WDR93: variants seen among roughly 807,000 people sequenced by gnomAD.
The protein encoded by WDR93 is WD repeat-containing protein 93.
A neutral mutation model predicts 82.9 loss-of-function variants in WDR93; 73 were observed. That is an observed-to-expected ratio of 0.88 (90% CI 0.73 to 1.07). WDR93 has a LOEUF of 1.07. Ranked by LOEUF, WDR93 falls within the 50% of genes least tolerant of loss-of-function variation. The pLI is 0.00. For missense variants in WDR93, 738 were observed against 826.0 expected, an observed-to-expected ratio of 0.89 and a Z score of 1.31; for synonymous variants, 283 against 300.1, an observed-to-expected ratio of 0.94 and a Z score of 0.59.
In WDR93 at chr15:89,701,844, G is replaced by T; in HGVS notation, c.98G>T (p.Trp33Leu). 1 of 1,614,188 alleles carries T rather than the reference G, an allele frequency of 6.2e-7. No individual in the cohort carries two copies. The highest frequency in any genetic ancestry group is 8.5e-7 in the Non-Finnish European group (1 of 1,180,038). Residue 33 changes from tryptophan to leucine, a missense_variant, in exon 2 of 17, where the codon TGG (tryptophan) becomes TTG (leucine). Physicochemically the swap from Trp to Leu is moderately conservative, Grantham distance 61. Transcript: ENST00000268130. ...GTGCCACCCCCAACAGAGAAGGACT[G>T]GCCTAAAGACGATGAACAGGATCAT... The part of the protein sequence containing the change: ...LEVPPPTEKD[W>L]PKDDEQDHVL...
intron 4 of WDR93, among the ~76,000 whole-genome samples, chr15:89,707,734 G>A (rs1376088791): frequency 6.6e-6 from 1 of 152,244 alleles, no homozygotes; most frequent in Admixed American, 6.5e-5. Flanking sequence ...CACTTTGGCA[G>A]TTTCTTCAAA....
intron 4 of WDR93, among the ~76,000 whole-genome samples, chr15:89,707,760 T>TA (rs1396865111): frequency 6.6e-6 from 1 of 152,230 alleles, no homozygotes; most frequent in East Asian, 1.9e-4. Context: ...AACATGTACT[T>TA]ACCATGTGAT....
chr15:89,727,458 G>A (rs1453281394), intron 9 of WDR93, 130 bp downstream of exon 9: 18 of 1,047,384 alleles, frequency 1.7e-5, no homozygotes, highest in Non-Finnish European at 2.4e-5. Context: ...CGGGACAGTG[G>A]CCCACATCTG....
rs141705248 is a variant in WDR93 at position 89,733,614 on chromosome 15, G to A, written c.1544+395G>A. 3.2e-3 allele frequency among the ~76,000 whole-genome samples: 487 copies of A among 152,100 alleles called. 2 individuals carry two copies. The highest frequency in any genetic ancestry group is 0.011 in the African/African-American group (452 of 41,476). Reference sequence around the variant, plus strand: ...TGGGTATCATGGGAGTGGAAATAGTGGCTTTATAAGAAAAGGAAGAGATAC... The same window carrying A: ...TGGGTATCATGGGAGTGGAAATAGTAGCTTTATAAGAAAAGGAAGAGATAC... On this transcript the variant is annotated intron_variant, in intron 13 of 16. Coordinates refer to ENST00000268130, the MANE Select transcript of WDR93 (RefSeq NM_020212.2).
At chr15:89,721,991 A>T in intron 7 of WDR93, 64 bp from the exon 8 acceptor site, 1 of 1,106,288 alleles carries the variant, frequency 9.0e-7, no homozygotes, top group Non-Finnish European at 1.3e-6. Context: ...TAAAATTAGT[A>T]TTTTTAATTA....
At chr15:89,733,989 T>C (rs944344727) in intron 13 of WDR93, among the ~76,000 whole-genome samples, 1 of 150,942 alleles carries the variant, frequency 6.6e-6, no homozygotes, top group Non-Finnish European at 1.5e-5. Flanking sequence ...AATGAACCTG[T>C]ATAATGTGTG....
Position 89,729,748 on chromosome 15 carries a change from C to T in WDR93, c.1189C>T (p.Arg397Ter), listed in dbSNP as rs759242280. The change falls in exon 11 of 17, where the codon CGA becomes TGA. Residue 397 changes from arginine (R) to a stop codon, truncating the protein, a stop_gained. Coordinates refer to ENST00000268130, the MANE Select transcript of WDR93 (RefSeq NM_020212.2). LOFTEE classifies it high-confidence loss of function. Reference sequence around the variant, plus strand: ...CAATTTCTTCCTGTATTCACTAAACCGAACTCTAAAGGATAAAGCTGGTAC... The same window carrying T: ...CAATTTCTTCCTGTATTCACTAAACTGAACTCTAAAGGATAAAGCTGGTAC... ...SHNFFLYSLN[R>*]TLKDKADPEG... The T allele has an allele frequency of 6.8e-6, 11 of 1,613,388 alleles. No homozygotes were observed. The highest frequency in any genetic ancestry group is 4.0e-5 in the African/African-American group (3 of 74,856).
intron 4 of WDR93, among the ~76,000 whole-genome samples, chr15:89,710,656 T>C (rs768469160): frequency 6.6e-6 from 1 of 152,192 alleles, no homozygotes; most frequent in South Asian, 2.1e-4. Flanking sequence ...GAGACCAGCA[T>C]AACTATGATA....
intron 4 of WDR93, among the ~76,000 whole-genome samples, chr15:89,706,330 T>A (rs1965726091): frequency 1.3e-5 from 2 of 149,870 alleles, no homozygotes; most frequent in Non-Finnish European, 3.0e-5. Flanking sequence ...TTTTTTTTTT[T>A]CTTAAATAGA....
intron 11 of WDR93, among the ~76,000 whole-genome samples, chr15:89,730,051 G>A (rs1031667204): frequency 3.9e-5 from 6 of 152,198 alleles, no homozygotes; most frequent in Non-Finnish European, 7.3e-5. Context: ...TTGGCTGGGC[G>A]CAATGGCTCA....
At chr15:89,705,682 A>T in intron 4 of WDR93, 64 bp downstream of exon 4, 1 of 1,078,012 alleles carries the variant, frequency 9.3e-7, no homozygotes, top group East Asian at 2.3e-5. Flanking sequence ...TTTATTTTTA[A>T]TATGGAAGCA....
rs191463443 is a variant in WDR93, at chr15:89,725,097, T to C, written c.881-2060T>C. Among the ~76,000 whole-genome samples, 228 of 152,280 alleles carry C rather than the reference T, an allele frequency of 1.5e-3. 1 individual carries two copies. The highest frequency in any genetic ancestry group is 5.1e-3 in the African/African-American group (214 of 41,562). Reference sequence around the variant, plus strand: ...CACCCTACTTCTAGGAATGTACCCATAGATTTGCAAGCAAGTGTGTTCCAG... The same window carrying C: ...CACCCTACTTCTAGGAATGTACCCACAGATTTGCAAGCAAGTGTGTTCCAG... On this transcript the variant is annotated intron_variant, in intron 8 of 16. Coordinates refer to ENST00000268130, the MANE Select transcript of WDR93 (RefSeq NM_020212.2).
chr15:89,690,793 T>C (rs2091327709), upstream of WDR93: 2 of 561,214 alleles, frequency 3.6e-6, no homozygotes, highest in Admixed American at 3.3e-5. Flanking sequence ...GTAGAGCAAC[T>C]TCGCGGACTT....
At chr15:89,700,643 A>G (rs532078178) in intron 1 of WDR93, among the ~76,000 whole-genome samples, 2 of 150,052 alleles carry the variant, frequency 1.3e-5, no homozygotes, top group East Asian at 4.0e-4. Flanking sequence ...GCTCACTGCA[A>G]CCTCAAACTC....
intron 4 of WDR93, among the ~76,000 whole-genome samples, chr15:89,711,012 C>T (rs1289155193): frequency 6.6e-6 from 1 of 152,184 alleles, no homozygotes; most frequent in African/African-American, 2.4e-5. Context: ...AGGCAATAAC[C>T]ACCAATGGCT....
rs146622312 is a variant in WDR93, at chr15:89,716,584, T to C, written c.757-327T>C. Among the ~76,000 whole-genome samples, 856 of 152,348 alleles carry C rather than the reference T, an allele frequency of 5.6e-3. 3 individuals carry two copies. Among genetic ancestry groups the C allele is most frequent in the Non-Finnish European group, 8.6e-3 (585 of 68,034 alleles). On this transcript the variant is annotated intron_variant, in intron 6 of 16. Coordinates refer to ENST00000268130, the MANE Select transcript of WDR93 (RefSeq NM_020212.2). ...TAAATGTAATTCTCAACATCACCAA[T>C]ATGTTTTGCCAATCAGAAATATTTG...
rs78080661 is a variant in WDR93 at position 89,720,117 on chromosome 15, G to A, written c.796-1938G>A. Among the ~76,000 whole-genome samples the A allele has an allele frequency of 5.2e-3, 795 of 151,932 alleles. 12 individuals carry two copies. The highest frequency in any genetic ancestry group is 6.9e-3 in the Middle Eastern group (2 of 290). The stretch of plus-strand genomic sequence containing the variant: ...CCAGCTCCTCTTCTAGTTTCTTAAG[G>A]TAGAAGCTCAAATCATTGAGATCGT... On this transcript the variant is annotated intron_variant, in intron 7 of 16. Transcript: ENST00000268130.
At position 89,743,620 on chromosome 15, in the gene WDR93, C is replaced by CCATCTGTTT; in HGVS notation, c.*229_*230insCATCTGTTT. ...CAGGCAGATGTGTCACCCAAATAAACAGTGATATTGTCTCCAGACTCCCAA... is the reference window on the plus strand; with the variant it reads ...CAGGCAGATGTGTCACCCAAATAAACCATCTGTTTAGTGATATTGTCTCCAGACTCCCAA... On this transcript the variant is annotated 3_prime_UTR_variant, in exon 17 of 17. Transcript: ENST00000268130. 1 of 563,524 alleles carries CCATCTGTTT rather than the reference C, an allele frequency of 1.8e-6. No individual in the cohort carries two copies. Among genetic ancestry groups the CCATCTGTTT allele is most frequent in the Non-Finnish European group, 3.2e-6 (1 of 315,156 alleles). 34.9% of individuals were successfully genotyped at this position (563,524 alleles called of 1,614,324 possible).
intron 13 of WDR93, among the ~76,000 whole-genome samples, chr15:89,734,671 C>T (rs1967013670): frequency 6.6e-6 from 1 of 152,076 alleles, no homozygotes; most frequent in African/African-American, 2.4e-5. Flanking sequence ...TTCATCATTC[C>T]TTTGCTTTCC....
Sources: gnomAD v4.1 joint callset for allele counts (sites outside exome capture counted in the v4.1 genomes callset) on GRCh38, gnomAD v4.1.1 for gene constraint, MANE v1.5 for transcripts, NCBI Gene and HGNC (gene_info 2026-07-23, HGNC 2026-07-21) for gene names.